The following ITPR1 variants were observed in gnomAD, a reference collection of about 807,000 sequenced individuals.
ITPR1 encodes the protein inositol 1,4,5-trisphosphate-gated calcium channel ITPR1.
A neutral mutation model predicts 318.4 loss-of-function variants in ITPR1; 96 were observed. That is an observed-to-expected ratio of 0.30 (90% CI 0.26 to 0.36). ITPR1 has a LOEUF of 0.36. Ranked by LOEUF, ITPR1 falls within the 10% of genes least tolerant of loss-of-function variation. The pLI is 1.00. For synonymous variants in ITPR1, 1,312 were observed against 1,289.9 expected, an observed-to-expected ratio of 1.02 and a Z score of -0.37; for missense variants, 2,440 against 3,460.2, an observed-to-expected ratio of 0.71 and a Z score of 7.40.
intron 40 of ITPR1, among the ~76,000 whole-genome samples, chr3:4,718,205 A>T (rs1398675059): frequency 6.6e-6 from 1 of 152,178 alleles, no homozygotes; most frequent in East Asian, 1.9e-4. Context: ...CTACCAGAAA[A>T]TTTTAATTTG....
chr3:4,792,614 C>T (rs2047641025), intron 52 of ITPR1, among the ~76,000 whole-genome samples: 1 of 152,160 alleles, frequency 6.6e-6, no homozygotes, highest in South Asian at 2.1e-4. Context: ...CAGGTCCCCT[C>T]CACACGGACC....
intron 40 of ITPR1, among the ~76,000 whole-genome samples, chr3:4,719,941 G>A (rs1345431409): frequency 6.6e-6 from 1 of 152,128 alleles, no homozygotes; most frequent in Admixed American, 6.5e-5. Flanking sequence ...GGAGGAGAGA[G>A]AGAAACTCCT....
chr3:4,564,680 A>T (rs549551614), intron 4 of ITPR1, among the ~76,000 whole-genome samples: 2 of 152,078 alleles, frequency 1.3e-5, no homozygotes, highest in South Asian at 4.2e-4. Flanking sequence ...CCCTCACCTG[A>T]CTCTGAACCT....
intron 45 of ITPR1, among the ~76,000 whole-genome samples, chr3:4,767,987 C>T (rs2045929019): frequency 6.6e-6 from 1 of 152,218 alleles, no homozygotes; most frequent in Admixed American, 6.5e-5. Context: ...CCCAGCGTGT[C>T]TGGCCGCAGA....
At chr3:4,609,421 C>T (rs971248186) in intron 4 of ITPR1, among the ~76,000 whole-genome samples, 8 of 152,126 alleles carry the variant, frequency 5.3e-5, no homozygotes, top group Non-Finnish European at 7.4e-5. Context: ...ATATACACGA[C>T]GTTTTTGAGT....
intron 4 of ITPR1, among the ~76,000 whole-genome samples, chr3:4,591,079 A>G (rs760039903): frequency 2.0e-5 from 3 of 152,198 alleles, no homozygotes; most frequent in African/African-American, 7.2e-5. Flanking sequence ...ATGGCTGCAT[A>G]GTATTCCATG....
chr3:4,722,753 T>C (rs55864359), intron 40 of ITPR1, among the ~76,000 whole-genome samples: 53,805 of 151,980 alleles, frequency 0.35, 10,494 homozygotes, highest in Non-Finnish European at 0.46. Context: ...GCCTGGCCCA[T>C]GGGTTGGATT....
intron 4 of ITPR1, among the ~76,000 whole-genome samples, chr3:4,548,796 T>TTAATCTAAAGTTTCTTTAATCTAA (rs1236663357): frequency 2.0e-5 from 3 of 152,212 alleles, no homozygotes; most frequent in Non-Finnish European, 4.4e-5. Flanking sequence ...AGTAACTTCT[T>TTAATCTAAAGTTTCTTTAATCTAA]AGAAACCCAC....
At chr3:4,800,117 C>T (rs963152694) in intron 53 of ITPR1, 1 of 386,882 alleles carries the variant, frequency 2.6e-6, no homozygotes, top group Non-Finnish European at 4.6e-6. Context: ...GAGGAGGGAA[C>T]TCCTGACATG....
chr3:4,551,700 A>G (rs2085584288), intron 4 of ITPR1, among the ~76,000 whole-genome samples: 1 of 152,244 alleles, frequency 6.6e-6, no homozygotes, highest in African/African-American at 2.4e-5. Flanking sequence ...CTAGATACAG[A>G]TAATACTCCA....
intron 5 of ITPR1, among the ~76,000 whole-genome samples, chr3:4,635,891 C>A (rs1575827427): frequency 6.9e-6 from 1 of 145,604 alleles, no homozygotes; most frequent in Admixed American, 6.8e-5. Context: ...TGTTTGCTTG[C>A]TTTTTTTTTT....
Position 4,673,365 on chromosome 3 carries a change from C to A in ITPR1, c.2434C>A (p.Pro812Thr). Reference sequence around the variant, plus strand: ...ATATGCCCGCCTCTGGTCGGAGATTCCCTCGGAGATCGCCATTGACGAGTG... The same window carrying A: ...ATATGCCCGCCTCTGGTCGGAGATTACCTCGGAGATCGCCATTGACGAGTG... ...VKYARLWSEI[P>T]SEIAIDDYDS... Residue 812 changes from proline to threonine, a missense_variant, in exon 21 of 62, where the codon CCC becomes ACC. Physicochemically the swap from Pro to Thr is conservative, Grantham distance 38 (BLOSUM62 -1). Transcript: ENST00000649015. 2.5e-6 allele frequency: 4 copies of A among 1,609,148 alleles called. No individual in the cohort carries two copies. Among genetic ancestry groups the A allele is most frequent in the Non-Finnish European group, 3.4e-6 (4 of 1,176,074 alleles).
chr3:4,562,482 A>G (rs2086781624), intron 4 of ITPR1, among the ~76,000 whole-genome samples: 1 of 152,122 alleles, frequency 6.6e-6, no homozygotes, highest in South Asian at 2.1e-4. Context: ...AGTTGGACTA[A>G]TTGTTTACAC....
rs780392647 is a variant in ITPR1, at chr3:4,516,506, G to A, written c.15G>A (p.Met5Ile). 2.5e-6 allele frequency: 4 copies of A among 1,585,512 alleles called. No homozygotes were observed. The highest frequency in any genetic ancestry group is 3.6e-5 in the Admixed American group (2 of 55,800). Reference sequence around the variant, plus strand: ...TCAAGAAAGACATGTCTGACAAAATGTCTAGCTTCCTACATATTGGAGACA... The same window carrying A: ...TCAAGAAAGACATGTCTGACAAAATATCTAGCTTCCTACATATTGGAGACA... The part of the protein sequence containing the change: MSDK[M>I]SSFLHIGDIC... Residue 5 changes from methionine (M) to isoleucine (I), a missense_variant, in exon 3 of 62, where the codon ATG (methionine) becomes ATA (isoleucine). By Grantham distance (10) the Met-to-Ile change is conservative (BLOSUM62 1). Transcript: ENST00000649015.
chr3:4,587,887 A>T (rs1200260176), intron 4 of ITPR1, among the ~76,000 whole-genome samples: 1 of 152,242 alleles, frequency 6.6e-6, no homozygotes, highest in Non-Finnish European at 1.5e-5. Flanking sequence ...CAGCTTCTGC[A>T]GAGGTTTTAA....
intron 26 of ITPR1, among the ~76,000 whole-genome samples, chr3:4,682,443 C>G (rs2094319007): frequency 6.6e-6 from 1 of 152,214 alleles, no homozygotes; most frequent in Non-Finnish European, 1.5e-5. Context: ...CATGGCCAAG[C>G]TCATTGTCAG....
rs80023230 is a variant in ITPR1, at chr3:4,844,270, C to T, written c.8191-1869C>T. ...TCAAGTAGCTGGGACTACAGGTGCACGCTACCATGCCTAGCTAATTTTTTT... is the reference window on the plus strand; with the variant it reads ...TCAAGTAGCTGGGACTACAGGTGCATGCTACCATGCCTAGCTAATTTTTTT... On this transcript the variant is annotated intron_variant, in intron 61 of 61. Transcript: ENST00000649015. Among the ~76,000 whole-genome samples the T allele has an allele frequency of 3.0e-4, 46 of 152,032 alleles. 1 individual carries two copies. In the East Asian group the frequency reaches 8.9e-3, roughly 29 times the overall value.
Position 4,637,571 on chromosome 3 carries a change from C to G in ITPR1, c.280-1813C>G, listed in dbSNP as rs141097354. Among the ~76,000 whole-genome samples, 856 of 152,302 alleles carry G rather than the reference C, an allele frequency of 5.6e-3. 8 individuals are homozygous for G. Among genetic ancestry groups the G allele is most frequent in the Middle Eastern group, 0.027 (8 of 294 alleles). ...TGTCTTGCACCCAGTGGATTTTATC[C>G]TTGTGTCACTGAGAATAGCAGACTG... On this transcript the variant is annotated intron_variant, in intron 5 of 61. Transcript: ENST00000649015.
At chr3:4,599,976 C>T (rs2091145070) in intron 4 of ITPR1, among the ~76,000 whole-genome samples, 1 of 152,236 alleles carries the variant, frequency 6.6e-6, no homozygotes, top group Non-Finnish European at 1.5e-5. Flanking sequence ...TCCCTACTCC[C>T]TCCTTCCTAC....
Sources: allele counts gnomAD v4.1 joint callset (sites outside exome capture counted in the v4.1 genomes callset), GRCh38; gene constraint gnomAD v4.1.1; transcripts MANE v1.5; gene names NCBI Gene and HGNC (gene_info 2026-07-23, HGNC 2026-07-21).